RASL12: variants seen among roughly 807,000 people sequenced by gnomAD.
RASL12 encodes the protein ras-like protein family member 12.
A neutral mutation model predicts 22.9 loss-of-function variants in RASL12; 16 were observed. That is an observed-to-expected ratio of 0.70 (90% CI 0.47 to 1.06). The LOEUF (loss-of-function observed/expected upper bound fraction) is 1.06, where lower values mean the gene tolerates loss of function less well. Among genes scored for constraint, RASL12 ranks in the 50% least tolerant of loss-of-function variants. The pLI, the probability that RASL12 is intolerant of heterozygous loss-of-function variation, is 0.00. For synonymous variants in RASL12, 159 were observed against 152.2 expected (o/e 1.04, Z -0.33); for missense variants, 306 against 353.1 (o/e 0.87, Z 1.07).
chr15:65,067,711 C>A, intron 1 of RASL12, 22 bp downstream of exon 1: 1 of 1,535,554 alleles, frequency 6.5e-7, no homozygotes, highest in South Asian at 1.2e-5. Flanking sequence ...CTTGGCGGCT[C>A]AGGCTCCCCG....
intron 1 of RASL12, among the ~76,000 whole-genome samples, chr15:65,066,074 AG>A (rs2086874861): frequency 1.3e-5 from 2 of 151,444 alleles, no homozygotes; most frequent in African/African-American, 2.4e-5. Flanking sequence ...AGTAGAGAAG[AG>A]AGAGAATAAA....
chr15:65,070,669 G>C (rs2140537190), upstream of RASL12, among the ~76,000 whole-genome samples: 1 of 152,308 alleles, frequency 6.6e-6, no homozygotes, highest in East Asian at 1.9e-4. Flanking sequence ...CGTAGGGCCT[G>C]TGAGGTTTTC....
chr15:65,075,411 CGCATGGTGCAGGACTG>C (rs1555407404), intron 1 of RASL12, among the ~76,000 whole-genome samples: 1 of 152,246 alleles, frequency 6.6e-6, no homozygotes, highest in Non-Finnish European at 1.5e-5. Context: ...GGAATGCGAG[CGCATGGTGCAGGACTG>C]GCAGGCAACT....
chr15:65,075,854 T>A (rs1280191412), intron 1 of RASL12, among the ~76,000 whole-genome samples: 1 of 151,152 alleles, frequency 6.6e-6, no homozygotes, highest in South Asian at 2.1e-4. Flanking sequence ...GCTCAGGGAT[T>A]GTAAATACAC....
In RASL12 at chr15:65,053,981, G is replaced by A. The variant is rs1042585674; in HGVS notation, c.*918C>T. On this transcript the variant is annotated 3_prime_UTR_variant, in exon 5 of 5. Transcript: ENST00000220062. ...CTCAGACTCATTGCTGAGGGTCCTG[G>A]GTCCTGCCAAACCAGATGACAAACG... The A allele has an allele frequency of 2.0e-6, 2 of 985,686 alleles. No individual in the cohort carries two copies. Among genetic ancestry groups the A allele is most frequent in the Non-Finnish European group, 2.4e-6 (2 of 829,946 alleles). The allele number at this position is 985,686 out of a possible 1,614,324, so 61.1% of individuals were successfully genotyped here.
At chr15:65,050,152 G>C (rs371331000), downstream of RASL12, 67 of 1,466,198 alleles carry the variant, frequency 4.6e-5, no homozygotes, top group Non-Finnish European at 6.1e-5. Context: ...CCTCAACACA[G>C]AGCAGAGTTT....
downstream of RASL12, chr15:65,053,322 G>A: frequency 7.1e-7 from 1 of 1,416,134 alleles, no homozygotes; most frequent in Non-Finnish European, 9.2e-7. Flanking sequence ...TGAATGAACT[G>A]CAAGCAAACT....
intron 1 of RASL12, among the ~76,000 whole-genome samples, chr15:65,075,343 C>T (rs1025353764): frequency 3.9e-5 from 6 of 152,228 alleles, no homozygotes; most frequent in Non-Finnish European, 7.3e-5. Context: ...CGAGCCTCCC[C>T]GACGAGCACT....
chr15:65,049,076 C>G (rs1442645407), downstream of RASL12: 1 of 149,982 alleles, frequency 6.7e-6, no homozygotes, highest in Admixed American at 6.7e-5. Context: ...TATATGTTGT[C>G]AAAATTAATT....
chr15:65,055,153 C>A lies in RASL12; in HGVS notation c.547G>T (p.Ala183Ser). Residue 183 changes from alanine (A) to serine (S), a missense_variant, in exon 5 of 5, where the codon GCA (alanine) becomes TCA (serine). By Grantham distance (99) the Ala-to-Ser change is moderately conservative (BLOSUM62 1). Transcript: ENST00000220062. ...QHVFHEAVRE[A>S]RRELEKSPLT... Reference sequence around the variant, plus strand: ...GGGCTCTTCTCCAGCTCCCGCCGTGCCTCTCGCACTGCCTCGTGGAAGACA... The same window carrying A: ...GGGCTCTTCTCCAGCTCCCGCCGTGACTCTCGCACTGCCTCGTGGAAGACA... 1 of 1,612,390 alleles carries A rather than the reference C, an allele frequency of 6.2e-7. No homozygotes were observed. Among genetic ancestry groups the A allele is most frequent in the Non-Finnish European group, 8.5e-7 (1 of 1,179,640 alleles).
chr15:65,064,041 G>C (rs2086846492), intron 2 of RASL12, among the ~76,000 whole-genome samples: 1 of 152,236 alleles, frequency 6.6e-6, no homozygotes, highest in Non-Finnish European at 1.5e-5. Flanking sequence ...TAAAGGCTAA[G>C]ATCATCCAGA....
chr15:65,050,833 CTTCTTTTT>C (rs1455925821), downstream of RASL12, among the ~76,000 whole-genome samples: 1 of 88,600 alleles, frequency 1.1e-5, no homozygotes, highest in East Asian at 3.9e-4. Flanking sequence ...TCTTCTTCTT[CTTCTTTTT>C]TTTTTTTTTT....
At chr15:65,075,544 C>G (rs1038361431) in intron 1 of RASL12, among the ~76,000 whole-genome samples, 1 of 152,232 alleles carries the variant, frequency 6.6e-6, no homozygotes, top group Non-Finnish European at 1.5e-5. Flanking sequence ...TGTGAATACA[C>G]CAATCGGCAC....
upstream of RASL12, chr15:65,068,203 C>A (rs988086660): frequency 1.0e-6 from 1 of 992,952 alleles, no homozygotes; most frequent in African/African-American, 1.7e-5. This position sits in a 1 kb window ranked among gnomAD's most constrained non-coding sequence, Gnocchi z 4.2. Flanking sequence ...CAAACCCGGC[C>A]GGGAAGGAGC....
At chr15:65,065,077 A>T in intron 2 of RASL12, 140 bp downstream of exon 2, 1 of 717,650 alleles carries the variant, frequency 1.4e-6, no homozygotes, top group South Asian at 2.1e-5. Flanking sequence ...ATTTTCCCCC[A>T]TGGGCTGGGT....
At chr15:65,052,631 A>G (rs2086668957), downstream of RASL12, among the ~76,000 whole-genome samples, 1 of 152,000 alleles carries the variant, frequency 6.6e-6, no homozygotes, top group South Asian at 2.1e-4. Context: ...ACCTGGCCTC[A>G]AGTGATCCAC....
At chr15:65,049,009 CA>C (rs67842486), downstream of RASL12, among the ~76,000 whole-genome samples, 1,168 of 94,272 alleles carry the variant, frequency 0.012, 5 homozygotes, top group African/African-American at 0.041. Flanking sequence ...GACTCCGTCT[CA>C]AAAAAAAAAA....
At chr15:65,048,825 A>G (rs2086608957), downstream of RASL12, among the ~76,000 whole-genome samples, 1 of 152,164 alleles carries the variant, frequency 6.6e-6, no homozygotes, top group Admixed American at 6.5e-5. Flanking sequence ...CCTGGCCAAC[A>G]TGGTGAAACC....
chr15:65,053,310 A>G, downstream of RASL12: 1 of 1,427,160 alleles, frequency 7.0e-7, no homozygotes, highest in Admixed American at 3.0e-5. Context: ...TAGCAGATAC[A>G]ATGAATGAAC....
Sources: allele counts gnomAD v4.1 joint callset (sites outside exome capture counted in the v4.1 genomes callset), GRCh38; gene constraint gnomAD v4.1.1; non-coding constraint Gnocchi (gnomAD v3.1); transcripts MANE v1.5; gene names NCBI Gene and HGNC (gene_info 2026-07-23, HGNC 2026-07-21).